COL9A3: variants seen among roughly 807,000 people sequenced by gnomAD.
COL9A3 encodes collagen type IX alpha 3 chain, also known as collagen alpha-3(IX) chain.
A neutral mutation model predicts 110.2 loss-of-function variants in COL9A3; 82 were observed. The observed-to-expected ratio is 0.74, with a 90% CI of 0.62 to 0.89. The LOEUF (loss-of-function observed/expected upper bound fraction) is 0.89, where lower values mean the gene tolerates loss of function less well. COL9A3 is among the 40% of genes least tolerant of loss of function. The pLI is 0.00. For synonymous variants in COL9A3, 494 were observed against 403.8 expected, an observed-to-expected ratio of 1.22 and a Z score of -2.68; for missense variants, 1,066 against 981.3, an observed-to-expected ratio of 1.09 and a Z score of -1.15.
intron 11 of COL9A3, 36 bp from the exon 12 acceptor site, chr20:62,824,932 G>C (rs1400266371): frequency 6.3e-6 from 10 of 1,595,436 alleles, no homozygotes; most frequent in African/African-American, 1.3e-5. Flanking sequence ...GTGTCGGGGG[G>C]TCTGGGTGGG....
In COL9A3 at chr20:62,823,160, G is replaced by C. The variant is rs537946946; in HGVS notation, c.519+528G>C. 2.9e-4 allele frequency among the ~76,000 whole-genome samples: 44 copies of C among 152,342 alleles called. 1 individual carries two copies. The highest frequency in any genetic ancestry group is 2.5e-3 in the Admixed American group (39 of 15,310). On this transcript the variant is annotated intron_variant, in intron 10 of 31. Coordinates refer to ENST00000649368, the MANE Select transcript of COL9A3 (RefSeq NM_001853.4). ...GAGACCAGCCTGGGCAACATAGTGAGATCTTTGTCTCTACAAAAAATTGTT... is the reference window on the plus strand; with the variant it reads ...GAGACCAGCCTGGGCAACATAGTGACATCTTTGTCTCTACAAAAAATTGTT...
At chr20:62,839,080 C>T (rs2063655401) in intron 31 of COL9A3, among the ~76,000 whole-genome samples, 1 of 152,032 alleles carries the variant, frequency 6.6e-6, no homozygotes, top group Admixed American at 6.6e-5. Flanking sequence ...CAAAAATGAG[C>T]CGGGCGTGGT....
chr20:62,827,529 C>T (rs1466913125), intron 16 of COL9A3, among the ~76,000 whole-genome samples: 1 of 152,150 alleles, frequency 6.6e-6, no homozygotes, highest in Non-Finnish European at 1.5e-5. Context: ...GAGCGGCCCA[C>T]GAGCCGGGTG....
chr20:62,833,720 C>CGAA (rs1286938124), intron 26 of COL9A3, among the ~76,000 whole-genome samples: 3 of 142,826 alleles, frequency 2.1e-5, no homozygotes, highest in Non-Finnish European at 4.6e-5. Flanking sequence ...TTTTTTGAGA[C>CGAA]GAAGTTTTGC....
At position 62,840,840 on chromosome 20, in the gene COL9A3, G is replaced by A; in HGVS notation, c.*108G>A. 7.3e-7 allele frequency: 1 copy of A among 1,368,108 alleles called. No homozygotes were observed. Among genetic ancestry groups the A allele is most frequent in the Non-Finnish European group, 1.0e-6 (1 of 984,436 alleles). 84.7% of individuals were successfully genotyped at this position (1,368,108 alleles called of 1,614,324 possible). ...GACGTCCAGGAGAGGGAGCGCCCCT[G>A]GCTGCCCCTCGGCCGCCGACTGGAC... On this transcript the variant is annotated 3_prime_UTR_variant, in exon 32 of 32. Transcript: ENST00000649368.
chr20:62,832,794 C>T (rs770177189), intron 25 of COL9A3: 13 of 539,962 alleles, frequency 2.4e-5, no homozygotes, highest in Non-Finnish European at 3.7e-5. Context: ...AGAAAAGCCT[C>T]ATTATGCAAA....
Position 62,840,827 on chromosome 20 carries a change from A to AG in COL9A3, c.*98dup, listed in dbSNP as rs1187094299. ...GTGGCAGGCGGGTGACGTCCAGGAG[A>AG]GGGAGCGCCCCTGGCTGCCCCTCGG... On this transcript the variant is annotated 3_prime_UTR_variant, in exon 32 of 32. Transcript: ENST00000649368. 1 of 1,442,650 alleles carries AG rather than the reference A, an allele frequency of 6.9e-7. No individual in the cohort carries two copies. The highest frequency in any genetic ancestry group is 9.5e-7 in the Non-Finnish European group (1 of 1,050,524). 89.4% of individuals were successfully genotyped at this position (1,442,650 alleles called of 1,614,324 possible).
At chr20:62,840,126 C>T (rs143370854) in intron 31 of COL9A3, among the ~76,000 whole-genome samples, 1,865 of 152,162 alleles carry the variant, frequency 0.012, 13 homozygotes, top group Non-Finnish European at 0.018. Flanking sequence ...TCTGACACCC[C>T]CCACTTAGGC....
At chr20:62,824,251 G>GA (rs2063532738) in intron 10 of COL9A3, among the ~76,000 whole-genome samples, 194 bp from the exon 11 acceptor site, 2 of 141,708 alleles carry the variant, frequency 1.4e-5, no homozygotes, top group African/African-American at 5.1e-5. Context: ...CCCATCATCT[G>GA]TGCGGAGTGG....
At position 62,826,258 on chromosome 20, in the gene COL9A3, G is replaced by T; in HGVS notation, c.738+1G>T. The T allele has an allele frequency of 6.5e-7, 1 of 1,550,316 alleles. No homozygotes were observed. The highest frequency in any genetic ancestry group is 8.7e-7 in the Non-Finnish European group (1 of 1,147,918). On this transcript the variant is annotated splice_donor_variant, in intron 14 of 31. Transcript: ENST00000649368. LOFTEE classifies it high-confidence loss of function. ...GCCACTCGGGCCCCCTGGGGACCGG[G>T]TAAGTCCTGCAGCCCCTAGTGGGGG...
chr20:62,822,711 T>C, intron 10 of COL9A3, 79 bp downstream of exon 10: 1 of 1,478,528 alleles, frequency 6.8e-7, no homozygotes, highest in Non-Finnish European at 9.3e-7. Flanking sequence ...GGAGAGGGGC[T>C]TGTCCATACT....
chr20:62,838,267 C>T (rs879788555), intron 30 of COL9A3, among the ~76,000 whole-genome samples: 3 of 152,218 alleles, frequency 2.0e-5, no homozygotes, highest in Non-Finnish European at 4.4e-5. Flanking sequence ...CAAGCCCGGC[C>T]TCCTGCACCC....
At chr20:62,819,130 G>T in intron 3 of COL9A3, 92 bp from the exon 4 acceptor site, 1 of 1,271,140 alleles carries the variant, frequency 7.9e-7, no homozygotes, top group African/African-American at 1.5e-5. Flanking sequence ...GGTTGGGCTG[G>T]GGGGAAGTGG....
chr20:62,840,433 A>G (rs2063668087), intron 31 of COL9A3, 109 bp from the exon 32 acceptor site: 2 of 1,057,522 alleles, frequency 1.9e-6, no homozygotes, highest in Middle Eastern at 2.9e-4. Context: ...CCTCTCCCCA[A>G]GTGAAGAGTG....
chr20:62,840,729 A>T lies in COL9A3; in HGVS notation c.2052A>T (p.Ser684=), dbSNP rs370901763. The T allele has an allele frequency of 9.2e-5, 144 of 1,564,650 alleles. No individual in the cohort carries two copies. In the African/African-American group the frequency reaches 1.6e-3, roughly 18 times the overall value. Residue 684 remains serine, a synonymous_variant, in exon 32 of 32, where the codon TCA becomes TCT. Transcript: ENST00000649368. The part of the protein sequence containing the change: ...GVGEKSGSRS[S] ...GGGAGAAATCAGGCTCTCGAAGCTC[A>T]TAAAATTCAACGTGAGGAAGCAAGT...
At chr20:62,827,416 C>A in intron 16 of COL9A3, 122 bp downstream of exon 16, 1 of 1,042,626 alleles carries the variant, frequency 9.6e-7, no homozygotes, top group Non-Finnish European at 1.4e-6. Context: ...CCTGGGTGGG[C>A]CTGGGGGTGC....
chr20:62,832,062 T>C, intron 24 of COL9A3, 92 bp from the exon 25 acceptor site: 1 of 1,210,784 alleles, frequency 8.3e-7, no homozygotes, highest in South Asian at 1.2e-5. Flanking sequence ...GATGGAGATG[T>C]GGGGAGGTGT....
At chr20:62,832,663 G>A (rs1365775296) in intron 25 of COL9A3, among the ~76,000 whole-genome samples, 1 of 152,246 alleles carries the variant, frequency 6.6e-6, no homozygotes, top group Non-Finnish European at 1.5e-5. Flanking sequence ...AGGGTGGGTG[G>A]GGCCATGGCC....
At chr20:62,818,621 G>A in intron 3 of COL9A3, 68 bp downstream of exon 3, 1 of 1,491,228 alleles carries the variant, frequency 6.7e-7, no homozygotes, top group South Asian at 1.1e-5. Flanking sequence ...TCAGAACAGA[G>A]GGGTCATTGA....
Sources: allele counts gnomAD v4.1 joint callset (sites outside exome capture counted in the v4.1 genomes callset), GRCh38; gene constraint gnomAD v4.1.1; transcripts MANE v1.5; gene names NCBI Gene and HGNC (gene_info 2026-07-23, HGNC 2026-07-21).